Variants in TMEM41B observed in about 807,000 individuals in gnomAD.
TMEM41B encodes protein stasimon.
TMEM41B carries 18 observed loss-of-function variants against 31.9 expected under a neutral mutation model. The ratio of observed to expected loss-of-function variants is 0.56; its 90% CI spans 0.39 to 0.84. The LOEUF is 0.84. TMEM41B is among the 40% of genes least tolerant of loss of function. The pLI, the probability that TMEM41B is intolerant of heterozygous loss-of-function variation, is 0.00. For synonymous variants in TMEM41B, 144 were observed against 124.3 expected (o/e 1.16, Z -1.05); for missense variants, 322 against 348.0 (o/e 0.93, Z 0.59).
intron 1 of TMEM41B, among the ~76,000 whole-genome samples, chr11:9,305,903 C>G (rs763991251): frequency 7.9e-5 from 12 of 151,284 alleles, no homozygotes; most frequent in Non-Finnish European, 1.5e-4. Context: ...ATAGTATACA[C>G]ATTTATAATG....
chr11:9,307,351 C>G (rs1564968057), intron 1 of TMEM41B, among the ~76,000 whole-genome samples: 1 of 152,092 alleles, frequency 6.6e-6, no homozygotes, highest in Non-Finnish European at 1.5e-5. Context: ...CAGAAATAAA[C>G]TTTATTTCAA....
At chr11:9,296,915 CTTT>C (rs925977348) in intron 2 of TMEM41B, among the ~76,000 whole-genome samples, 43 of 151,410 alleles carry the variant, frequency 2.8e-4, no homozygotes, top group African/African-American at 9.4e-4. Context: ...ATGATCATTT[CTTT>C]TTTTTTGTTT....
intron 4 of TMEM41B, chr11:9,288,145 A>C (rs1852877874): frequency 9.2e-6 from 3 of 324,454 alleles, no homozygotes; most frequent in African/African-American, 4.9e-5. Flanking sequence ...TGAAAACACC[A>C]CCTCTGGCTC....
chr11:9,311,716 A>G (rs1483125132), intron 1 of TMEM41B: 1 of 740,576 alleles, frequency 1.4e-6, no homozygotes, highest in East Asian at 2.5e-5. Flanking sequence ...CAGCCTTTCC[A>G]CTGCTGCCTG....
chr11:9,283,854 G>A (rs568484874), intron 6 of TMEM41B, among the ~76,000 whole-genome samples: 1 of 150,668 alleles, frequency 6.6e-6, no homozygotes, highest in South Asian at 2.1e-4. Flanking sequence ...GCGCGATCTT[G>A]GCTCACTGCA....
intron 3 of TMEM41B, among the ~76,000 whole-genome samples, chr11:9,291,914 G>C (rs936966646): frequency 6.6e-6 from 1 of 151,954 alleles, no homozygotes; most frequent in African/African-American, 2.4e-5. Context: ...CACCATCTTG[G>C]TCAGGTTGGT....
At chr11:9,287,951 T>C (rs753401618) in intron 4 of TMEM41B, 145 bp from the exon 5 acceptor site, 5 of 657,508 alleles carry the variant, frequency 7.6e-6, no homozygotes, top group Non-Finnish European at 1.3e-5. Context: ...GCAGAGATGA[T>C]CTAGTACTTT....
intron 1 of TMEM41B, chr11:9,311,616 T>G: frequency 1.0e-6 from 1 of 967,730 alleles, no homozygotes; most frequent in Non-Finnish European, 1.6e-6. Context: ...GTGGGCAGGA[T>G]TGGAACCTCC....
intron 1 of TMEM41B, among the ~76,000 whole-genome samples, chr11:9,308,568 C>T (rs1001485789): frequency 1.3e-5 from 2 of 152,140 alleles, no homozygotes; most frequent in African/African-American, 4.8e-5. Context: ...AGCCACCTAA[C>T]CAAAAATCAG....
At chr11:9,305,203 T>C (rs1853358163) in intron 1 of TMEM41B, among the ~76,000 whole-genome samples, 1 of 151,668 alleles carries the variant, frequency 6.6e-6, no homozygotes, top group African/African-American at 2.4e-5. Flanking sequence ...ATGAGGGTAA[T>C]ATATATATAT....
chr11:9,306,308 T>C (rs1853394575), intron 1 of TMEM41B, among the ~76,000 whole-genome samples: 1 of 151,924 alleles, frequency 6.6e-6, no homozygotes, highest in Non-Finnish European at 1.5e-5. Flanking sequence ...CCTCCAAAGC[T>C]TCCATCATAC....
chr11:9,310,559 G>T (rs1284134364), intron 1 of TMEM41B, among the ~76,000 whole-genome samples: 2 of 151,482 alleles, frequency 1.3e-5, no homozygotes, highest in Non-Finnish European at 2.9e-5. Flanking sequence ...AGTTAAAATG[G>T]AGAACTTGCT....
chr11:9,286,598 C>A lies in TMEM41B; in HGVS notation c.568-5G>T. 1 of 1,587,038 alleles carries A rather than the reference C, an allele frequency of 6.3e-7. No individual in the cohort carries two copies. The highest frequency in any genetic ancestry group is 1.2e-5 in the South Asian group (1 of 86,398). ...ATGTTCTCTATGACGTTCAACCTGT[C>A]ATAAGAAAGAAAAGAATTAGCATCA... On this transcript the variant is annotated splice_polypyrimidine_tract_variant and splice_region_variant and intron_variant, in intron 5 of 6. Transcript: ENST00000528080.
intron 2 of TMEM41B, 83 bp from the exon 3 acceptor site, chr11:9,295,470 CAAA>C: frequency 1.3e-6 from 1 of 762,336 alleles, no homozygotes; most frequent in Non-Finnish European, 2.2e-6. Flanking sequence ...AAGTTTTATC[CAAA>C]ATGATTTCAT....
intron 1 of TMEM41B, among the ~76,000 whole-genome samples, chr11:9,313,935 T>C (rs572130351): frequency 5.9e-5 from 9 of 152,308 alleles, no homozygotes; most frequent in South Asian, 2.1e-4. Flanking sequence ...TCTGGCTTTA[T>C]GACTTTATAA....
intron 3 of TMEM41B, chr11:9,294,996 T>C (rs1043805669): frequency 1.7e-5 from 5 of 299,588 alleles, no homozygotes; most frequent in African/African-American, 1.1e-4. Flanking sequence ...ATCTTAATAA[T>C]ATGCAATAAA....
chr11:9,311,554 C>T (rs1853562755), intron 1 of TMEM41B: 1 of 1,206,658 alleles, frequency 8.3e-7, no homozygotes, highest in Non-Finnish European at 1.2e-6. Context: ...TGCGGAGCTC[C>T]TGGGGGAGGA....
At chr11:9,298,112 C>A (rs1229010094) in intron 2 of TMEM41B, among the ~76,000 whole-genome samples, 1 of 149,386 alleles carries the variant, frequency 6.7e-6, no homozygotes, top group Non-Finnish European at 1.5e-5. Flanking sequence ...TTTCTCAAGT[C>A]CAGTAAGATA....
At position 9,282,741 on chromosome 11, in the gene TMEM41B, G is replaced by C. The variant is rs1027012637; in HGVS notation, c.*683C>G. ...GAGGTCAGGAGATCGAGACCATCCT[G>C]GCTAACACGGTGAAACCCCGTCTCT... On this transcript the variant is annotated 3_prime_UTR_variant, in exon 7 of 7. Coordinates refer to ENST00000528080, the MANE Select transcript of TMEM41B (RefSeq NM_015012.4). 11 of 151,992 alleles carry C rather than the reference G, an allele frequency of 7.2e-5. No homozygotes were observed. Among genetic ancestry groups the C allele is most frequent in the African/African-American group, 2.7e-4 (11 of 41,368 alleles). 9.4% of individuals were successfully genotyped at this position (151,992 alleles called of 1,614,324 possible). A position where few individuals can be genotyped will look rare whatever the true frequency, so the allele number is the denominator to read the frequency against.
Sources: gnomAD v4.1 joint callset for allele counts (sites outside exome capture counted in the v4.1 genomes callset) on GRCh38, gnomAD v4.1.1 for gene constraint, MANE v1.5 for transcripts, NCBI Gene and HGNC (gene_info 2026-07-23, HGNC 2026-07-21) for gene names.